Variants in SLC9A3 observed in about 807,000 individuals in gnomAD.
SLC9A3 encodes solute carrier family 9 member A3.
A neutral mutation model predicts 86.8 loss-of-function variants in SLC9A3; 37 were observed. The observed-to-expected ratio is 0.43, with a 90% CI of 0.33 to 0.56. The LOEUF is 0.56. SLC9A3 is among the 20% of genes least tolerant of loss of function. The pLI is 0.06. For missense variants in SLC9A3, 1,011 were observed against 1,171.9 expected (o/e 0.86, Z 2.00); for synonymous variants, 581 against 528.3 (o/e 1.10, Z -1.37).
At chr5:508,136 A>G (rs1740698258) in intron 1 of SLC9A3, among the ~76,000 whole-genome samples, 1 of 152,240 alleles carries the variant, frequency 6.6e-6, no homozygotes, top group South Asian at 2.1e-4. Context: ...GAGCCCAGCT[A>G]TGGAATCACA....
chr5:473,544 G>A (rs1579757380), intron 16 of SLC9A3, 162 bp from the exon 17 acceptor site: 2 of 503,584 alleles, frequency 4.0e-6, no homozygotes, highest in South Asian at 8.8e-5. Flanking sequence ...CAGGACCCGG[G>A]TTCGCGGGGC....
chr5:507,395 GC>G (rs1740649375), intron 1 of SLC9A3, among the ~76,000 whole-genome samples: 1 of 150,582 alleles, frequency 6.6e-6, no homozygotes, highest in Admixed American at 6.6e-5. Flanking sequence ...ATAGTGTCTA[GC>G]TCTGTTGCCC....
At chr5:477,121 C>G in intron 11 of SLC9A3, 1 of 532,698 alleles carries the variant, frequency 1.9e-6, no homozygotes, top group Non-Finnish European at 3.3e-6. Context: ...CGCTGCTGCC[C>G]CTCCCTTTCA....
intron 1 of SLC9A3, among the ~76,000 whole-genome samples, chr5:499,547 A>G (rs1466585547): frequency 1.3e-5 from 2 of 152,228 alleles, no homozygotes; most frequent in African/African-American, 2.4e-5. Context: ...GGATGACGAC[A>G]CTTGGGTTCC....
In SLC9A3 at chr5:483,430, C is replaced by A; in HGVS notation, c.985G>T (p.Glu329Ter). The A allele has an allele frequency of 6.3e-7, 1 of 1,575,920 alleles. No homozygotes were observed. The highest frequency in any genetic ancestry group is 1.2e-5 in the South Asian group (1 of 86,344). Reference sequence around the variant, plus strand: ...TAGCGCACGGTGGTGGCCGACTGCTCCGAGATGTTGGCCTTCACATACTTC... The same window carrying A: ...TAGCGCACGGTGGTGGCCGACTGCTACGAGATGTTGGCCTTCACATACTTC... ...CQKYVKANISEQSATTVRYTM... is the reference protein window; with the variant it reads ...CQKYVKANIS The change falls in exon 6 of 17, where the codon GAG becomes TAG. Residue 329 changes from glutamate to a stop codon, truncating the protein, a stop_gained. Coordinates refer to ENST00000264938, the MANE Select transcript of SLC9A3 (RefSeq NM_004174.4). LOFTEE classifies it high-confidence loss of function.
chr5:492,115 G>T (rs1739777395), intron 1 of SLC9A3, 44 bp from the exon 2 acceptor site: 2 of 1,278,238 alleles, frequency 1.6e-6, no homozygotes, highest in African/African-American at 1.7e-5. Flanking sequence ...TGTGAGGGAG[G>T]GGAGGGAGGT....
rs1740080866 is a variant in SLC9A3 at position 497,614 on chromosome 5, C to T, written c.212-5543G>A. Among the ~76,000 whole-genome samples the T allele has an allele frequency of 6.6e-6, 1 of 152,198 alleles. No individual in the cohort carries two copies. Among genetic ancestry groups the T allele is most frequent in the Admixed American group, 6.5e-5 (1 of 15,282 alleles). ...ACAATTGTTCTATTCTTTGGTTATTCCTCCACTTCAAAGAAGCTTCCTGAA... is the reference window on the plus strand; with the variant it reads ...ACAATTGTTCTATTCTTTGGTTATTTCTCCACTTCAAAGAAGCTTCCTGAA... On this transcript the variant is annotated intron_variant, in intron 1 of 16. Coordinates refer to ENST00000264938, the MANE Select transcript of SLC9A3 (RefSeq NM_004174.4). The surrounding 1 kb of genome is among the most constrained non-coding windows in gnomAD (Gnocchi z 5.4).
intron 1 of SLC9A3, among the ~76,000 whole-genome samples, chr5:513,498 C>T (rs968110079): frequency 7.2e-5 from 11 of 152,104 alleles, no homozygotes; most frequent in East Asian, 1.9e-4. Flanking sequence ...GGGAGGAGAG[C>T]GCCAGGTGCA....
chr5:477,160 C>T, intron 11 of SLC9A3, 172 bp downstream of exon 11: 2 of 568,432 alleles, frequency 3.5e-6, no homozygotes, highest in South Asian at 2.5e-5. Context: ...GGGAGTCTGG[C>T]CACGGCCTAA....
chr5:519,941 C>T (rs976117836), intron 1 of SLC9A3, among the ~76,000 whole-genome samples: 1 of 152,198 alleles, frequency 6.6e-6, no homozygotes, highest in African/African-American at 2.4e-5. Context: ...TCCAGATACC[C>T]GTCTCGCTCC....
rs1738322058 is a variant in SLC9A3 at position 470,989 on chromosome 5, G to C, written c.*2390C>G. On this transcript the variant is annotated 3_prime_UTR_variant, in exon 17 of 17. Transcript: ENST00000264938. ...GATCCCCACTCATGACGAGTCCCTA[G>C]CACTCAGCCCCTGGCACCCACAGCC... The C allele has an allele frequency of 6.6e-6, 1 of 152,410 alleles. No individual in the cohort carries two copies. Among genetic ancestry groups the C allele is most frequent in the Non-Finnish European group, 1.5e-5 (1 of 68,092 alleles). 9.4% of individuals were successfully genotyped at this position (152,410 alleles called of 1,614,324 possible).
chr5:522,803 C>T (rs1266778053), intron 1 of SLC9A3, among the ~76,000 whole-genome samples: 2 of 152,016 alleles, frequency 1.3e-5, no homozygotes, highest in African/African-American at 2.4e-5. Flanking sequence ...GGGGCACTCC[C>T]GTCAGAGGAA....
Position 497,525 on chromosome 5 carries a change from G to A in SLC9A3, c.212-5454C>T, listed in dbSNP as rs1740078103. 1.3e-5 allele frequency among the ~76,000 whole-genome samples: 2 copies of A among 152,212 alleles called. No homozygotes were observed. The highest frequency in any genetic ancestry group is 2.4e-5 in the African/African-American group (1 of 41,446). ...TCACCTGTCGGAGCCACTCGTTCAC[G>A]TTTATCTCTGTCTGGTTGTCAGAAT... On this transcript the variant is annotated intron_variant, in intron 1 of 16. Transcript: ENST00000264938. This position sits in a 1 kb window ranked among gnomAD's most constrained non-coding sequence, Gnocchi z 5.4.
chr5:498,877 G>C (rs1740143974), intron 1 of SLC9A3, among the ~76,000 whole-genome samples: 1 of 152,198 alleles, frequency 6.6e-6, no homozygotes, highest in South Asian at 2.1e-4. Flanking sequence ...TCCTGTGGCA[G>C]AGGAGTCCTG....
At chr5:494,060 G>A (rs746179931) in intron 1 of SLC9A3, among the ~76,000 whole-genome samples, 1 of 152,236 alleles carries the variant, frequency 6.6e-6, no homozygotes, top group Non-Finnish European at 1.5e-5. Flanking sequence ...TGGCCTGCAG[G>A]GTCCCGTCTG....
At chr5:518,305 T>A (rs1429729680) in intron 1 of SLC9A3, among the ~76,000 whole-genome samples, 1 of 152,116 alleles carries the variant, frequency 6.6e-6, no homozygotes, top group Non-Finnish European at 1.5e-5. Flanking sequence ...TCCCAGGACC[T>A]GGTACCCTGA....
intron 7 of SLC9A3, among the ~76,000 whole-genome samples, 195 bp downstream of exon 7, chr5:482,353 G>A (rs537938884): frequency 3.7e-4 from 56 of 152,232 alleles, no homozygotes; most frequent in African/African-American, 1.3e-3. Context: ...GCGAAGGCCC[G>A]GGAAGAACAT....
At chr5:518,527 G>A (rs1733799350) in intron 1 of SLC9A3, among the ~76,000 whole-genome samples, 1 of 152,210 alleles carries the variant, frequency 6.6e-6, no homozygotes, top group African/African-American at 2.4e-5. Flanking sequence ...TGTCTCAAGG[G>A]TGGGTGAGGA....
Position 488,394 on chromosome 5 carries a change from C to T in SLC9A3, c.597G>A (p.Val199=). The change falls in exon 3 of 17, where the codon GTG becomes GTA. Residue 199 remains valine, a synonymous_variant. Transcript: ENST00000264938. ...CCTCGTTGACATGGACCTCCTCAAA[C>T]ACGGCCAGGACGGCCACCGGGTCCA... ...AAVDPVAVLA[V]FEEVHVNEVL... The T allele has an allele frequency of 6.2e-7, 1 of 1,611,862 alleles. No individual in the cohort carries two copies. The highest frequency in any genetic ancestry group is 8.5e-7 in the Non-Finnish European group (1 of 1,179,342).
Sources: allele counts gnomAD v4.1 joint callset (sites outside exome capture counted in the v4.1 genomes callset), GRCh38; gene constraint gnomAD v4.1.1; non-coding constraint Gnocchi (gnomAD v3.1); transcripts MANE v1.5; gene names NCBI Gene and HGNC (gene_info 2026-07-23, HGNC 2026-07-21).